ACVR2A: variants seen among roughly 807,000 people sequenced by gnomAD.
ACVR2A encodes the protein activin receptor type-2A.
Under a neutral mutation model 61.4 loss-of-function variants are expected in ACVR2A, and 7 were observed. The observed-to-expected ratio is 0.11, with a 90% CI of 0.06 to 0.21. The LOEUF (loss-of-function observed/expected upper bound fraction) is 0.21, where lower values mean the gene tolerates loss of function less well. Ranked by LOEUF, ACVR2A falls within the 10% of genes least tolerant of loss-of-function variation. The pLI is 1.00. For synonymous variants in ACVR2A, 193 were observed against 208.3 expected, an observed-to-expected ratio of 0.93 and a Z score of 0.63; for missense variants, 322 against 621.7, an observed-to-expected ratio of 0.52 and a Z score of 5.13.
At chr2:147,912,271 T>TA (rs1291105851) in intron 4 of ACVR2A, among the ~76,000 whole-genome samples, 2 of 152,008 alleles carry the variant, frequency 1.3e-5, no homozygotes, top group African/African-American at 4.8e-5. Context: ...TGTCTTCTGA[T>TA]ACCATAATTT....
At chr2:147,896,780 C>T (rs113590632) in intron 2 of ACVR2A, 291 of 272,674 alleles carry the variant, frequency 1.1e-3, no homozygotes, top group African/African-American at 5.6e-3. Context: ...AATATTGTTA[C>T]GATTATAAAC....
At chr2:147,901,862 C>G (rs994263059) in intron 4 of ACVR2A, among the ~76,000 whole-genome samples, 1 of 152,088 alleles carries the variant, frequency 6.6e-6, no homozygotes, top group East Asian at 1.9e-4. Flanking sequence ...AGTATGGTTT[C>G]GTGCTTCAAA....
chr2:147,924,492 A>C (rs1168382041), intron 9 of ACVR2A, among the ~76,000 whole-genome samples: 1 of 151,918 alleles, frequency 6.6e-6, no homozygotes, highest in South Asian at 2.1e-4. Flanking sequence ...TTTAGGGGAG[A>C]AATTGCTTTG....
chr2:147,872,744 C>T (rs796484279), intron 1 of ACVR2A, among the ~76,000 whole-genome samples: 25 of 151,842 alleles, frequency 1.6e-4, no homozygotes, highest in African/African-American at 5.5e-4. Context: ...AGATATTTTA[C>T]AAGTAGAAGT....
At chr2:147,922,075 G>C (rs1362125496) in intron 8 of ACVR2A, among the ~76,000 whole-genome samples, 1 of 131,502 alleles carries the variant, frequency 7.6e-6, no homozygotes, top group East Asian at 2.2e-4. Context: ...TAAGAGAAAA[G>C]TAGGCTTTAG....
rs1558806568 is a variant in ACVR2A at position 147,896,527 on chromosome 2, T to C, written c.263+19T>C. 6.2e-7 allele frequency: 1 copy of C among 1,610,908 alleles called. No homozygotes were observed. The highest frequency in any genetic ancestry group is 1.1e-5 in the South Asian group (1 of 90,996). On this transcript the variant is annotated intron_variant, in intron 2 of 10. Transcript: ENST00000241416. ...ATGACAGGTAAGAACACATTTAAGA[T>C]TTTATGGTAGTATTGAGTAATTTTC...
chr2:147,880,158 G>A (rs977695622), intron 1 of ACVR2A, among the ~76,000 whole-genome samples: 4 of 151,990 alleles, frequency 2.6e-5, no homozygotes, highest in African/African-American at 4.8e-5. Flanking sequence ...AAGCTGTTAT[G>A]GTTGCTGCTC....
chr2:147,852,603 C>G (rs1489557459), intron 1 of ACVR2A, among the ~76,000 whole-genome samples: 1 of 152,050 alleles, frequency 6.6e-6, no homozygotes. Context: ...CATGGCTCTT[C>G]CCTGATTAAG....
At chr2:147,922,725 C>A (rs1471188165) in intron 8 of ACVR2A, among the ~76,000 whole-genome samples, 1 of 151,956 alleles carries the variant, frequency 6.6e-6, no homozygotes, top group Non-Finnish European at 1.5e-5. Context: ...TCCCAGCTGA[C>A]AATTGGTTCA....
At chr2:147,905,467 A>G (rs1686966776) in intron 4 of ACVR2A, among the ~76,000 whole-genome samples, 1 of 152,008 alleles carries the variant, frequency 6.6e-6, no homozygotes, top group Non-Finnish European at 1.5e-5. Context: ...GCAAAGACAG[A>G]ACTCACATCT....
intron 1 of ACVR2A, among the ~76,000 whole-genome samples, chr2:147,889,632 A>AGCTACTTGGAG (rs980635354): frequency 2.6e-5 from 4 of 152,034 alleles, no homozygotes; most frequent in African/African-American, 9.7e-5. Flanking sequence ...CTGTAGTCCC[A>AGCTACTTGGAG]GCTACTTGGG....
At chr2:147,918,842 CTA>C (rs374274787) in intron 7 of ACVR2A, among the ~76,000 whole-genome samples, 140 of 152,070 alleles carry the variant, frequency 9.2e-4, no homozygotes, top group African/African-American at 3.2e-3. Flanking sequence ...TGAAAATAAA[CTA>C]TATTTTCTCG....
At chr2:147,921,597 A>G (rs537383550) in intron 8 of ACVR2A, among the ~76,000 whole-genome samples, 1 of 152,266 alleles carries the variant, frequency 6.6e-6, no homozygotes, top group South Asian at 2.1e-4. Context: ...CAGTAGCCAT[A>G]TAGCTCTAGA....
At chr2:147,918,655 C>T in intron 7 of ACVR2A, 63 bp downstream of exon 7, 1 of 1,411,446 alleles carries the variant, frequency 7.1e-7, no homozygotes, top group Non-Finnish European at 9.4e-7. Context: ...CTTTTAAGCC[C>T]CTGGGTAAAT....
chr2:147,873,663 A>T (rs13021972), intron 1 of ACVR2A, among the ~76,000 whole-genome samples: 50,271 of 126,490 alleles, frequency 0.4, 8,577 homozygotes, highest in East Asian at 0.57. Context: ...TGGGAGAGAG[A>T]CAGAAACTGG....
intron 1 of ACVR2A, among the ~76,000 whole-genome samples, chr2:147,856,810 TTTTAATTCTATATTA>T (rs1685592279): frequency 6.6e-6 from 1 of 152,094 alleles, no homozygotes; most frequent in South Asian, 2.1e-4. Flanking sequence ...CTGACCATCT[TTTTAATTCTATATTA>T]TATAACAAAT....
At chr2:147,911,570 A>G (rs1229099717) in intron 4 of ACVR2A, among the ~76,000 whole-genome samples, 2 of 151,984 alleles carry the variant, frequency 1.3e-5, no homozygotes, top group South Asian at 2.1e-4. Context: ...GGTAAGATGC[A>G]TTGATGTTTG....
At chr2:147,891,543 T>C (rs963042265) in intron 1 of ACVR2A, among the ~76,000 whole-genome samples, 1 of 151,524 alleles carries the variant, frequency 6.6e-6, no homozygotes, top group Admixed American at 6.6e-5. Flanking sequence ...AAAAAAAGAA[T>C]AGTATTTTGT....
In ACVR2A at chr2:147,899,788, C is replaced by T; in HGVS notation, c.418C>T (p.Leu140=). 1 of 1,613,780 alleles carries T rather than the reference C, an allele frequency of 6.2e-7. No homozygotes were observed. Among genetic ancestry groups the T allele is most frequent in the Non-Finnish European group, 8.5e-7 (1 of 1,179,748 alleles). ...VTPKPPYYNI[L]LYSLVPLMLI... ...ACCTAAGCCACCCTATTACAACATC[C>T]TGCTCTATTCCTTGGTGCCACTTAT... is the stretch of plus-strand genomic sequence containing the variant. Residue 140 remains leucine (L), a synonymous_variant, in exon 4 of 11, where the codon CTG becomes TTG. Coordinates refer to ENST00000241416, the MANE Select transcript of ACVR2A (RefSeq NM_001616.5).
Sources: allele counts gnomAD v4.1 joint callset (sites outside exome capture counted in the v4.1 genomes callset), GRCh38; gene constraint gnomAD v4.1.1; transcripts MANE v1.5; gene names NCBI Gene and HGNC (gene_info 2026-07-23, HGNC 2026-07-21).